The following CPEB4 variants were observed in gnomAD, a reference collection of about 807,000 sequenced individuals.
CPEB4 encodes cytoplasmic polyadenylation element binding protein 4.
In CPEB4, 12 loss-of-function variants were observed where a neutral mutation model predicts 72.5. That is an observed-to-expected ratio of 0.17 (90% CI 0.11 to 0.27). The LOEUF (loss-of-function observed/expected upper bound fraction) is 0.27, where lower values mean the gene tolerates loss of function less well. Ranked by LOEUF, CPEB4 falls within the 10% of genes least tolerant of loss-of-function variation. The probability of loss-of-function intolerance (pLI) is 1.00; values close to 1 mark genes in which losing one functional copy is unlikely to be tolerated. For missense variants in CPEB4, 614 were observed against 908.5 expected (o/e 0.68, Z 4.17); for synonymous variants, 302 against 326.3 (o/e 0.93, Z 0.80).
At chr5:173,915,239 CTTATTT>C (rs1318642915) in intron 2 of CPEB4, among the ~76,000 whole-genome samples, 1 of 152,018 alleles carries the variant, frequency 6.6e-6, no homozygotes, top group Admixed American at 6.6e-5. Context: ...TGTTGGAAAA[CTTATTT>C]TTTTTTAAAC....
intron 5 of CPEB4, among the ~76,000 whole-genome samples, chr5:173,947,027 C>T (rs934437405): frequency 6.6e-6 from 1 of 151,914 alleles, no homozygotes; most frequent in Admixed American, 6.6e-5. Context: ...CGTAGAAGAG[C>T]AGACTAGACT....
At chr5:173,940,147 A>G (rs758853804) in intron 3 of CPEB4, among the ~76,000 whole-genome samples, 16 of 152,162 alleles carry the variant, frequency 1.1e-4, no homozygotes, top group Non-Finnish European at 2.2e-4. Flanking sequence ...ATACAAGTGG[A>G]TAAACATATA....
chr5:173,954,889 C>G (rs1758329061), intron 9 of CPEB4, among the ~76,000 whole-genome samples: 1 of 152,080 alleles, frequency 6.6e-6, no homozygotes, highest in Non-Finnish European at 1.5e-5. Flanking sequence ...CCTGCTCTTC[C>G]TGGGCTTCGT....
intron 1 of CPEB4, among the ~76,000 whole-genome samples, chr5:173,904,133 A>G (rs1226717793): frequency 6.6e-6 from 1 of 152,214 alleles, no homozygotes; most frequent in Non-Finnish European, 1.5e-5. Flanking sequence ...CTAAGCTCAC[A>G]TGTTCTAGAG....
At chr5:173,936,506 G>A (rs1269559892) in intron 3 of CPEB4, among the ~76,000 whole-genome samples, 1 of 152,102 alleles carries the variant, frequency 6.6e-6, no homozygotes, top group Non-Finnish European at 1.5e-5. Flanking sequence ...GCAGGAGGGT[G>A]GGGGTAGGGG....
chr5:173,912,446 G>A (rs1756695893), intron 2 of CPEB4, among the ~76,000 whole-genome samples: 1 of 152,024 alleles, frequency 6.6e-6, no homozygotes, highest in African/African-American at 2.4e-5. Flanking sequence ...GGCTTTCTCT[G>A]TACTACTTTT....
intron 5 of CPEB4, among the ~76,000 whole-genome samples, chr5:173,948,964 A>T (rs1444611775): frequency 1.3e-5 from 2 of 152,180 alleles, no homozygotes; most frequent in African/African-American, 4.8e-5. Context: ...TTTTGAGGGA[A>T]CATAAACATT....
At chr5:173,930,443 C>T (rs1757405924) in intron 2 of CPEB4, among the ~76,000 whole-genome samples, 1 of 152,104 alleles carries the variant, frequency 6.6e-6, no homozygotes, top group African/African-American at 2.4e-5. Context: ...TGTGACAGGC[C>T]ATAGATCCAG....
At chr5:173,919,617 G>A (rs528559204) in intron 2 of CPEB4, among the ~76,000 whole-genome samples, 54 of 152,224 alleles carry the variant, frequency 3.5e-4, no homozygotes, top group African/African-American at 1.3e-3. Context: ...GCCCTTTGTT[G>A]TCTATGAAGG....
rs575352579 is a variant in CPEB4 at position 173,945,600 on chromosome 5, T to C, written c.1456+460T>C. Among the ~76,000 whole-genome samples the C allele has an allele frequency of 2.2e-3, 337 of 152,340 alleles. 1 individual carries two copies. Among genetic ancestry groups the C allele is most frequent in the Non-Finnish European group, 4.1e-3 (279 of 68,038 alleles). On this transcript the variant is annotated intron_variant, in intron 5 of 9. Transcript: ENST00000265085. ...AGTTGTACTACAAGAAGGATAATCT[T>C]ACTTAAGGTAGTAAACAAGATGGAA...
intron 3 of CPEB4, among the ~76,000 whole-genome samples, chr5:173,933,468 A>C (rs549641576): frequency 2.0e-5 from 3 of 152,352 alleles, no homozygotes; most frequent in African/African-American, 7.2e-5. Flanking sequence ...ATTGCTGGGT[A>C]CATCAGATCT....
Position 173,939,308 on chromosome 5 carries a change from T to C in CPEB4, c.1259-3718T>C, listed in dbSNP as rs796706443. ...GTGAGCCACATTTAAAAATGCCACATGCTCAGTTAATAGGGTTGCTCCTTT... is the reference window on the plus strand; with the variant it reads ...GTGAGCCACATTTAAAAATGCCACACGCTCAGTTAATAGGGTTGCTCCTTT... On this transcript the variant is annotated intron_variant, in intron 3 of 9. Transcript: ENST00000265085. 5.3e-5 allele frequency among the ~76,000 whole-genome samples: 8 copies of C among 151,880 alleles called. No homozygotes were observed. The South Asian group carries it at 1.7e-3, about 32-fold the overall frequency.
chr5:173,958,489 T>C lies in CPEB4; in HGVS notation c.*2352T>C, dbSNP rs1561636835. On this transcript the variant is annotated 3_prime_UTR_variant, in exon 10 of 10. Coordinates refer to ENST00000265085, the MANE Select transcript of CPEB4 (RefSeq NM_030627.4). ...ATATTCTGCTTTTTATACATTTCAG[T>C]GCTCTGCATACATTTTAAATTATGA... is the stretch of plus-strand genomic sequence containing the variant. The C allele has an allele frequency of 6.6e-6, 1 of 152,582 alleles. No homozygotes were observed. Among genetic ancestry groups the C allele is most frequent in the Non-Finnish European group, 1.5e-5 (1 of 68,002 alleles). The allele number at this position is 152,582 out of a possible 1,614,324, so 9.5% of individuals were successfully genotyped here.
chr5:173,895,339 A>G (rs909491508), intron 1 of CPEB4, among the ~76,000 whole-genome samples: 3 of 152,238 alleles, frequency 2.0e-5, no homozygotes, highest in Non-Finnish European at 2.9e-5. Flanking sequence ...ATTACTTAGT[A>G]TATGTGCTGA....
At position 173,961,203 on chromosome 5, in the gene CPEB4, AC is replaced by A. The variant is rs1031502054; in HGVS notation, c.*5067del. The A allele has an allele frequency of 6.6e-6, 1 of 152,140 alleles. No individual in the cohort carries two copies. Among genetic ancestry groups the A allele is most frequent in the African/African-American group, 2.4e-5 (1 of 41,410 alleles). The allele number at this position is 152,140 out of a possible 1,614,324, so 9.4% of individuals were successfully genotyped here. A position where few individuals can be genotyped will look rare whatever the true frequency, so the allele number is the denominator to read the frequency against. On this transcript the variant is annotated 3_prime_UTR_variant, in exon 10 of 10. Transcript: ENST00000265085. ...TCTCATCTGGCAATTCCCAAACCTT[AC>A]GTTGAGCATTCAATGAAGGGCCTTG...
chr5:173,926,797 C>T (rs577548258), intron 2 of CPEB4, among the ~76,000 whole-genome samples: 1 of 152,314 alleles, frequency 6.6e-6, no homozygotes, highest in Non-Finnish European at 1.5e-5. Flanking sequence ...TAATGCCTTC[C>T]TTCTCCCTTT....
chr5:173,889,281 A>G lies in CPEB4; in HGVS notation c.-453A>G, dbSNP rs1755718421. On this transcript the variant is annotated 5_prime_UTR_variant, in exon 1 of 10. Transcript: ENST00000265085. The stretch of plus-strand genomic sequence containing the variant: ...CCTATTCTAATTTTTATGTGAGTGA[A>G]TCTAAACTGCTGAGGAAAACCATAT... 6.6e-6 allele frequency: 1 copy of G among 152,346 alleles called. No homozygotes were observed. The highest frequency in any genetic ancestry group is 2.1e-4 in the South Asian group (1 of 4,854). The allele number at this position is 152,346 out of a possible 1,614,324, so 9.4% of individuals were successfully genotyped here.
chr5:173,914,031 G>A (rs992211318), intron 2 of CPEB4, among the ~76,000 whole-genome samples: 1 of 152,190 alleles, frequency 6.6e-6, no homozygotes, highest in Non-Finnish European at 1.5e-5. Flanking sequence ...GTGCCAATCT[G>A]GCTTGAGTAT....
chr5:173,920,096 A>AT (rs1166719232), intron 2 of CPEB4, among the ~76,000 whole-genome samples: 2 of 152,172 alleles, frequency 1.3e-5, no homozygotes, highest in Non-Finnish European at 2.9e-5. Context: ...GGGCTTCATT[A>AT]TTTTATCTAA....
Sources: gnomAD v4.1 joint callset for allele counts (sites outside exome capture counted in the v4.1 genomes callset) on GRCh38, gnomAD v4.1.1 for gene constraint, MANE v1.5 for transcripts, NCBI Gene and HGNC (gene_info 2026-07-23, HGNC 2026-07-21) for gene names.